HECW1: variants seen among roughly 807,000 people sequenced by gnomAD.
HECW1 encodes HECT, C2 and WW domain containing E3 ubiquitin protein ligase 1, also known as E3 ubiquitin-protein ligase HECW1.
A neutral mutation model predicts 182.3 loss-of-function variants in HECW1; 61 were observed. The ratio of observed to expected loss-of-function variants is 0.33; its 90% CI spans 0.27 to 0.41. HECW1 has a LOEUF of 0.41. HECW1 is among the 10% of genes least tolerant of loss of function. HECW1 has a pLI of 1.00. For missense variants in HECW1, 1,739 were observed against 2,108.9 expected (o/e 0.82, Z 3.44); for synonymous variants, 859 against 832.6 (o/e 1.03, Z -0.55).
At chr7:43,493,471 A>C (rs1466164181) in intron 19 of HECW1, among the ~76,000 whole-genome samples, 1 of 152,252 alleles carries the variant, frequency 6.6e-6, no homozygotes, top group Non-Finnish European at 1.5e-5. Flanking sequence ...TTCCATTAAA[A>C]AATTATTTAT....
intron 6 of HECW1, among the ~76,000 whole-genome samples, chr7:43,387,440 A>T (rs930641398): frequency 2.6e-5 from 4 of 152,176 alleles, no homozygotes; most frequent in East Asian, 1.9e-4. Flanking sequence ...TACAAAGGAA[A>T]CTTTCCTTCT....
intron 19 of HECW1, among the ~76,000 whole-genome samples, chr7:43,498,343 C>T (rs1014731441): frequency 1.1e-4 from 16 of 152,258 alleles, no homozygotes; most frequent in East Asian, 1.9e-4. Flanking sequence ...TTCTTTTTCC[C>T]GCAGGGAGGG....
intron 3 of HECW1, among the ~76,000 whole-genome samples, chr7:43,299,536 C>T (rs1266434974): frequency 6.6e-6 from 1 of 151,956 alleles, no homozygotes; most frequent in South Asian, 2.1e-4. Context: ...GAGAAAAAGA[C>T]TTAAAAAAAA....
chr7:43,299,323 C>T (rs563058530), intron 3 of HECW1, among the ~76,000 whole-genome samples: 1 of 152,264 alleles, frequency 6.6e-6, no homozygotes, highest in Non-Finnish European at 1.5e-5. Context: ...TTCCCGGTAT[C>T]TTTGGTGTAT....
intron 2 of HECW1, among the ~76,000 whole-genome samples, chr7:43,218,841 G>A (rs992477847): frequency 2.6e-5 from 4 of 152,188 alleles, no homozygotes; most frequent in Admixed American, 6.5e-5. Context: ...AAAATGACAC[G>A]GACACACGTG....
At chr7:43,115,610 A>T (rs186837044) in intron 2 of HECW1, among the ~76,000 whole-genome samples, 2 of 152,348 alleles carry the variant, frequency 1.3e-5, no homozygotes, top group East Asian at 3.9e-4. Context: ...TGGGTGAAGC[A>T]ATGATTGGTC....
chr7:43,441,958 A>G (rs557244147), intron 9 of HECW1, among the ~76,000 whole-genome samples: 1 of 152,358 alleles, frequency 6.6e-6, no homozygotes, highest in African/African-American at 2.4e-5. Context: ...TTGCTTTACA[A>G]TGAATTCAGC....
intron 2 of HECW1, among the ~76,000 whole-genome samples, chr7:43,154,570 T>G (rs1789676829): frequency 6.6e-6 from 1 of 152,228 alleles, no homozygotes; most frequent in African/African-American, 2.4e-5. Context: ...TCTTTACACC[T>G]TAGGTGTATT....
chr7:43,498,903 A>T (rs953553239), intron 19 of HECW1, among the ~76,000 whole-genome samples: 28 of 152,186 alleles, frequency 1.8e-4, no homozygotes, highest in Non-Finnish European at 3.8e-4. Context: ...CTAAGTTATG[A>T]TGAAGATTTG....
chr7:43,189,727 G>A (rs563896311), intron 2 of HECW1, among the ~76,000 whole-genome samples: 8 of 152,316 alleles, frequency 5.3e-5, no homozygotes, highest in Admixed American at 5.2e-4. Flanking sequence ...CACTGGAGAA[G>A]AGTTTCTACC....
intron 19 of HECW1, among the ~76,000 whole-genome samples, chr7:43,498,763 A>G (rs1360013229): frequency 6.6e-6 from 1 of 152,094 alleles, no homozygotes; most frequent in Non-Finnish European, 1.5e-5. Context: ...CTGAAGTTGG[A>G]TCAGAGTGCA....
At chr7:43,283,000 C>A (rs1804118192) in intron 3 of HECW1, among the ~76,000 whole-genome samples, 1 of 152,090 alleles carries the variant, frequency 6.6e-6, no homozygotes, top group African/African-American at 2.4e-5. Flanking sequence ...CAGCTGTAAT[C>A]CCAGCTACTC....
At chr7:43,204,370 G>T (rs1031343097) in intron 2 of HECW1, among the ~76,000 whole-genome samples, 2 of 152,092 alleles carry the variant, frequency 1.3e-5, no homozygotes, top group African/African-American at 4.8e-5. Context: ...TCATTTTCTT[G>T]GTGCATTCGT....
chr7:43,291,564 T>C (rs561113041), intron 3 of HECW1, among the ~76,000 whole-genome samples: 37 of 152,190 alleles, frequency 2.4e-4, no homozygotes, highest in East Asian at 9.6e-4. Flanking sequence ...CAAAGAGTTA[T>C]TAGCACAAAG....
At chr7:43,441,542 C>CT (rs909158972) in intron 9 of HECW1, among the ~76,000 whole-genome samples, 2 of 132,746 alleles carry the variant, frequency 1.5e-5, no homozygotes, top group African/African-American at 5.2e-5. Flanking sequence ...ACATCCGTGT[C>CT]TTTTTTTATT....
intron 5 of HECW1, among the ~76,000 whole-genome samples, chr7:43,344,559 T>A (rs922028076): frequency 1.3e-4 from 20 of 152,090 alleles, no homozygotes; most frequent in African/African-American, 4.6e-4. Flanking sequence ...TCCTTTTGGA[T>A]TCATAGGGCT....
At chr7:43,251,140 T>C (rs539914294) in intron 3 of HECW1, among the ~76,000 whole-genome samples, 4 of 152,118 alleles carry the variant, frequency 2.6e-5, no homozygotes, top group Admixed American at 6.5e-5. Context: ...TGCCTCTCCT[T>C]GAGGGCTGCA....
chr7:43,520,658 T>TA lies in HECW1; in HGVS notation c.4019+11545dup, dbSNP rs201702542. Among the ~76,000 whole-genome samples the TA allele has an allele frequency of 2.8e-3, 430 of 151,836 alleles. 2 individuals carry two copies. The highest frequency in any genetic ancestry group is 9.4e-3 in the African/African-American group (390 of 41,376). On this transcript the variant is annotated intron_variant, in intron 24 of 29. Transcript: ENST00000395891. Reference sequence around the variant, plus strand: ...TATTATTCTACTTTAAGGTTTTTTTTAAAAAAAACACAAAGGTTTCCAAAC... The same window carrying TA: ...TATTATTCTACTTTAAGGTTTTTTTTAAAAAAAAACACAAAGGTTTCCAAAC...
chr7:43,542,225 C>T (rs2081388743), intron 26 of HECW1, among the ~76,000 whole-genome samples: 1 of 152,130 alleles, frequency 6.6e-6, no homozygotes, highest in Admixed American at 6.5e-5. Context: ...TGGCAACTAC[C>T]ATTCTATTTT....
Sources: allele counts gnomAD v4.1 joint callset (sites outside exome capture counted in the v4.1 genomes callset), GRCh38; gene constraint gnomAD v4.1.1; transcripts MANE v1.5; gene names NCBI Gene and HGNC (gene_info 2026-07-23, HGNC 2026-07-21).